ACCSL: variants seen among roughly 807,000 people sequenced by gnomAD.
ACCSL encodes the protein probable inactive 1-aminocyclopropane-1-carboxylate synthase-like protein 2.
Under a neutral mutation model 61.7 loss-of-function variants are expected in ACCSL, and 55 were observed. The ratio of observed to expected loss-of-function variants is 0.89; its 90% CI spans 0.72 to 1.12. The LOEUF (loss-of-function observed/expected upper bound fraction) is 1.12, where lower values mean the gene tolerates loss of function less well. Among genes scored for constraint, ACCSL ranks in the 50% most tolerant of loss-of-function variants. ACCSL has a pLI of 0.00. For synonymous variants in ACCSL, 258 were observed against 264.3 expected (o/e 0.98, Z 0.23); for missense variants, 632 against 698.0 (o/e 0.91, Z 1.07).
chr11:44,029,872 G>A, the ACCSL span, among the ~76,000 whole-genome samples: 1 of 151,730 alleles, frequency 6.6e-6, no homozygotes, highest in East Asian at 1.9e-4. Context: ...AACTGAAAGG[G>A]CAAGGGGATA....
the ACCSL span, among the ~76,000 whole-genome samples, chr11:43,991,425 A>C: frequency 6.6e-6 from 1 of 152,226 alleles, no homozygotes; most frequent in African/African-American, 2.4e-5. Context: ...GGATGGTGTC[A>C]TTCAATTCCT....
chr11:44,044,889 CCCCG>C (rs1345658952), upstream of ACCSL, among the ~76,000 whole-genome samples: 1 of 151,994 alleles, frequency 6.6e-6, no homozygotes. Flanking sequence ...TAGAGAAGGC[CCCCG>C]GGTGAATGGA....
chr11:44,020,071 G>T, the ACCSL span, among the ~76,000 whole-genome samples: 1 of 152,176 alleles, frequency 6.6e-6, no homozygotes, highest in Non-Finnish European at 1.5e-5. Context: ...TAAATGTAAA[G>T]GTTTACAGCT....
the ACCSL span, among the ~76,000 whole-genome samples, chr11:43,941,525 G>A: frequency 6.6e-6 from 1 of 152,230 alleles, no homozygotes; most frequent in Non-Finnish European, 1.5e-5. Flanking sequence ...AGCCCACTTG[G>A]CCATGGCCAG....
the ACCSL span, among the ~76,000 whole-genome samples, chr11:43,966,444 A>G: frequency 3.3e-5 from 5 of 151,960 alleles, no homozygotes; most frequent in African/African-American, 1.2e-4. Context: ...AAAAAAGAAA[A>G]AAAAATTAAA....
chr11:44,053,313 T>G, intron 7 of ACCSL, 93 bp from the exon 8 acceptor site: 1 of 1,313,570 alleles, frequency 7.6e-7, no homozygotes, highest in Non-Finnish European at 1.1e-6. Context: ...ACCTAGGCCT[T>G]TTTGGGTGCC....
At chr11:44,020,165 C>T in the ACCSL span, among the ~76,000 whole-genome samples, 1 of 152,154 alleles carries the variant, frequency 6.6e-6, no homozygotes, top group Admixed American at 6.5e-5. Flanking sequence ...CTTTGTAGTA[C>T]ATTTTGATCT....
intron 11 of ACCSL, 122 bp downstream of exon 11, chr11:44,056,448 T>G (rs1476721339): frequency 7.6e-7 from 1 of 1,307,350 alleles, no homozygotes; most frequent in Non-Finnish European, 1.0e-6. Flanking sequence ...TGTCTCAGAT[T>G]TAACTGTGGT....
the ACCSL span, among the ~76,000 whole-genome samples, chr11:43,987,102 A>G: frequency 6.7e-6 from 1 of 148,318 alleles, no homozygotes; most frequent in East Asian, 1.9e-4. Flanking sequence ...GTCTTCTTCA[A>G]GAAGAACAAG....
At chr11:43,946,349 C>T in the ACCSL span, among the ~76,000 whole-genome samples, 1 of 152,122 alleles carries the variant, frequency 6.6e-6, no homozygotes, top group Non-Finnish European at 1.5e-5. Flanking sequence ...CTGCCCTCCA[C>T]GGCTTCCCAA....
chr11:43,980,440 A>G, the ACCSL span, among the ~76,000 whole-genome samples: 2 of 152,204 alleles, frequency 1.3e-5, no homozygotes, highest in Admixed American at 1.3e-4. Context: ...ATCAGTCTTT[A>G]AAAATCATTG....
At chr11:44,052,556 G>A in intron 5 of ACCSL, 106 bp from the exon 6 acceptor site, 2 of 936,220 alleles carry the variant, frequency 2.1e-6, no homozygotes, top group Admixed American at 2.0e-5. Flanking sequence ...AAAGGATCGT[G>A]AAACTGACTT....
At chr11:44,000,725 A>AAAAGGAAGAAAGAAAGAAAGAAAG in the ACCSL span, among the ~76,000 whole-genome samples, 2 of 146,702 alleles carry the variant, frequency 1.4e-5, no homozygotes, top group Non-Finnish European at 3.0e-5. Context: ...TCTGCCTCAA[A>AAAAGGAAGAAAGAAAGAAAGAAAG]AAAGAAAGAA....
chr11:43,997,495 G>A, the ACCSL span, among the ~76,000 whole-genome samples: 1 of 152,110 alleles, frequency 6.6e-6, no homozygotes, highest in Admixed American at 6.5e-5. Context: ...CTTTCCAGTT[G>A]CGATATTTTC....
In ACCSL at chr11:44,053,467, C is replaced by A. The variant is rs1447684146; in HGVS notation, c.1010C>A (p.Ser337Tyr). Reference protein sequence around the residue: ...NPQNPLGDIYSPDSLMKYLEF... With the variant: ...NPQNPLGDIYYPDSLMKYLEF... ...CAGAATCCTCTGGGTGACATCTACTCCCCAGACTCACTGATGAAATACCTG... is the reference window on the plus strand; with the variant it reads ...CAGAATCCTCTGGGTGACATCTACTACCCAGACTCACTGATGAAATACCTG... Residue 337 changes from serine (S) to tyrosine (Y), a missense_variant, in exon 8 of 14, where the codon TCC (serine) becomes TAC (tyrosine). Physicochemically the swap from Ser to Tyr is moderately radical, Grantham distance 144. Transcript: ENST00000378832. 3.7e-6 allele frequency: 6 copies of A among 1,614,040 alleles called. No individual in the cohort carries two copies. The highest frequency in any genetic ancestry group is 5.1e-6 in the Non-Finnish European group (6 of 1,180,028).
chr11:43,945,737 A>C, the ACCSL span: 1 of 151,746 alleles, frequency 6.6e-6, no homozygotes, highest in Non-Finnish European at 1.5e-5. Flanking sequence ...GTTCCCAGCT[A>C]TTCAGGAGGC....
chr11:43,926,457 C>T, the ACCSL span: 61 of 455,154 alleles, frequency 1.3e-4, no homozygotes, highest in Non-Finnish European at 2.2e-4. Flanking sequence ...CTGTACAGAA[C>T]GCCTTGGCCT....
chr11:44,048,064 G>C lies in ACCSL; in HGVS notation c.28G>C (p.Val10Leu), dbSNP rs1488279309. 6.2e-7 allele frequency: 1 copy of C among 1,613,140 alleles called. No homozygotes were observed. Among genetic ancestry groups the C allele is most frequent in the African/African-American group, 1.3e-5 (1 of 74,892 alleles). Residue 10 changes from valine (V) to leucine (L), a missense_variant, in exon 1 of 14, where the codon GTG becomes CTG. By Grantham distance (32) the Val-to-Leu change is conservative. Transcript: ENST00000378832. MSHRSDTLPVPSGQRRGRVP... is the reference protein window; with the variant it reads MSHRSDTLPLPSGQRRGRVP... ...GAGTCATCGGTCAGACACCCTTCCT[G>C]TGCCCTCTGGTCAGAGGAGAGGCCG... is the stretch of plus-strand genomic sequence containing the variant.
the ACCSL span, among the ~76,000 whole-genome samples, chr11:44,041,674 G>A: frequency 6.6e-6 from 1 of 152,164 alleles, no homozygotes; most frequent in Non-Finnish European, 1.5e-5. Context: ...GATAGTGATA[G>A]TTCAAATTCC....
Sources: allele counts gnomAD v4.1 joint callset (sites outside exome capture counted in the v4.1 genomes callset), GRCh38; gene constraint gnomAD v4.1.1; transcripts MANE v1.5; gene names NCBI Gene and HGNC (gene_info 2026-07-23, HGNC 2026-07-21).